The following KCNMA1 variants were observed in gnomAD, a reference collection of about 807,000 sequenced individuals.
KCNMA1 encodes Calcium-activated potassium channel subunit alpha-1.
A neutral mutation model predicts 140.0 loss-of-function variants in KCNMA1; 29 were observed. The observed-to-expected ratio is 0.21, with a 90% CI of 0.15 to 0.28. KCNMA1 has a LOEUF of 0.28. Among genes scored for constraint, KCNMA1 ranks in the 10% least tolerant of loss-of-function variants. The probability of loss-of-function intolerance (pLI) is 1.00; values close to 1 mark genes in which losing one functional copy is unlikely to be tolerated. For missense variants in KCNMA1, 880 were observed against 1,602.2 expected (o/e 0.55, Z 7.70); for synonymous variants, 612 against 611.9 (o/e 1.00, Z 0.00).
intron 1 of KCNMA1, among the ~76,000 whole-genome samples, chr10:77,559,361 C>A (rs917201470): frequency 4.6e-5 from 7 of 152,232 alleles, no homozygotes; most frequent in Non-Finnish European, 8.8e-5. Context: ...AGGGTTGGAC[C>A]TGGCACAGTC....
chr10:77,147,901 A>G (rs1369937652), intron 5 of KCNMA1: 1 of 152,228 alleles, frequency 6.6e-6, no homozygotes, highest in East Asian at 1.9e-4. Flanking sequence ...AGCGCCATAT[A>G]CAAGGATAAA....
chr10:76,881,160 G>A (rs1304656731), downstream of KCNMA1, among the ~76,000 whole-genome samples: 2 of 152,162 alleles, frequency 1.3e-5, no homozygotes, highest in African/African-American at 2.4e-5. Flanking sequence ...GCTATGCTAT[G>A]AGCTGTCCAC....
intron 1 of KCNMA1, among the ~76,000 whole-genome samples, chr10:77,452,727 G>A (rs2097687081): frequency 6.6e-6 from 1 of 152,042 alleles, no homozygotes; most frequent in African/African-American, 2.4e-5. Flanking sequence ...GCCTTTTCTG[G>A]GAATCAGTAC....
chr10:77,636,832 T>G (rs1363487613), intron 1 of KCNMA1: 13 of 1,433,592 alleles, frequency 9.1e-6, no homozygotes, highest in Non-Finnish European at 1.2e-5. Context: ...TGGGCGGATG[T>G]GCTCCCTCTC....
intron 1 of KCNMA1, among the ~76,000 whole-genome samples, chr10:77,580,722 G>A (rs189070268): frequency 5.3e-5 from 8 of 152,314 alleles, no homozygotes; most frequent in Admixed American, 2.0e-4. Flanking sequence ...GCAGCCAAGG[G>A]CAGAGACCAA....
At position 77,235,153 on chromosome 10, in the gene KCNMA1, A is replaced by T. The variant is rs147095346; in HGVS notation, c.602+16042T>A. On this transcript the variant is annotated intron_variant, in intron 3 of 27. Transcript: ENST00000286628. ...TGGGGTCCAGTCTGCTTCTCTAAAT[A>T]TTAGGGCTTGGCCTCATTCAGGGCA... Among the ~76,000 whole-genome samples, 27 of 152,300 alleles carry T rather than the reference A, an allele frequency of 1.8e-4. No individual in the cohort carries two copies. In the East Asian group the frequency reaches 5.0e-3, roughly 28 times the overall value.
intron 3 of KCNMA1, among the ~76,000 whole-genome samples, chr10:77,207,203 A>G (rs2044428268): frequency 6.6e-6 from 1 of 152,210 alleles, no homozygotes; most frequent in South Asian, 2.1e-4. Context: ...TCTTCTGATT[A>G]CATAAATTTA....
chr10:77,585,584 A>C (rs1402285051), intron 1 of KCNMA1, among the ~76,000 whole-genome samples: 1 of 152,156 alleles, frequency 6.6e-6, no homozygotes, highest in African/African-American at 2.4e-5. Context: ...CACTTTACCC[A>C]GCTTTTCTGT....
At position 77,288,420 on chromosome 10, in the gene KCNMA1, C is replaced by G. The variant is rs555488043; in HGVS notation, c.541-37164G>C. ...CTTAGACTGATCAGCAGTTCTCAATCTGAATGTGATGACAGAGTAGCAGAG... is the reference window on the plus strand; with the variant it reads ...CTTAGACTGATCAGCAGTTCTCAATGTGAATGTGATGACAGAGTAGCAGAG... On this transcript the variant is annotated intron_variant, in intron 2 of 27. Coordinates refer to ENST00000286628, the MANE Select transcript of KCNMA1 (RefSeq NM_001161352.2). Among the ~76,000 whole-genome samples, 35 of 152,346 alleles carry G rather than the reference C, an allele frequency of 2.3e-4. 1 individual carries two copies. In the South Asian group the frequency reaches 7.2e-3, roughly 32 times the overall value.
intron 19 of KCNMA1, among the ~76,000 whole-genome samples, chr10:76,993,253 G>A (rs60817697): frequency 1.3e-5 from 2 of 152,306 alleles, no homozygotes; most frequent in South Asian, 4.1e-4. Context: ...GAATAAGGAA[G>A]AAATAATGGT....
At chr10:77,436,992 AC>A (rs1566843316) in intron 1 of KCNMA1, among the ~76,000 whole-genome samples, 68 of 128,808 alleles carry the variant, frequency 5.3e-4, no homozygotes, top group African/African-American at 1.1e-3. Context: ...ACACACACAC[AC>A]ACACTCCTTC....
intron 5 of KCNMA1, among the ~76,000 whole-genome samples, chr10:77,182,549 G>A (rs2098811409): frequency 6.6e-6 from 1 of 152,192 alleles, no homozygotes; most frequent in Non-Finnish European, 1.5e-5. Flanking sequence ...AAAAGATGAT[G>A]AATGCTCTCT....
At chr10:77,111,712 T>G (rs910908134) in intron 7 of KCNMA1, among the ~76,000 whole-genome samples, 1 of 152,096 alleles carries the variant, frequency 6.6e-6, no homozygotes, top group Admixed American at 6.5e-5. Flanking sequence ...CAGCCACTGG[T>G]GGTCAACTTT....
intron 11 of KCNMA1, among the ~76,000 whole-genome samples, chr10:77,085,746 T>C (rs1005690639): frequency 2.0e-5 from 3 of 152,218 alleles, no homozygotes; most frequent in Admixed American, 1.3e-4. Context: ...TTTACAAAAT[T>C]ATGCGGTGAC....
intron 3 of KCNMA1, among the ~76,000 whole-genome samples, chr10:77,224,226 G>A (rs2154193632): frequency 6.6e-6 from 1 of 152,334 alleles, no homozygotes; most frequent in Admixed American, 6.5e-5. Context: ...GTCCTGATCA[G>A]CAAGGTGTGA....
intron 19 of KCNMA1, among the ~76,000 whole-genome samples, chr10:77,000,214 T>C (rs1406949991): frequency 6.6e-6 from 1 of 152,194 alleles, no homozygotes. Flanking sequence ...ATGTGTTGGC[T>C]GCTTTAAAGA....
At chr10:77,498,405 C>A (rs2042690018) in intron 1 of KCNMA1, among the ~76,000 whole-genome samples, 1 of 152,244 alleles carries the variant, frequency 6.6e-6, no homozygotes, top group African/African-American at 2.4e-5. Context: ...CAGCAGGTGG[C>A]AGCTCCAGGA....
chr10:77,342,183 A>G (rs192525904), intron 2 of KCNMA1, among the ~76,000 whole-genome samples: 109 of 152,352 alleles, frequency 7.2e-4, no homozygotes, highest in Admixed American at 1.6e-3. Context: ...AGTTATAAAT[A>G]GCAAAGACAT....
At chr10:77,223,484 G>A (rs906844927) in intron 3 of KCNMA1, among the ~76,000 whole-genome samples, 1 of 152,178 alleles carries the variant, frequency 6.6e-6, no homozygotes, top group African/African-American at 2.4e-5. Flanking sequence ...AATAATCAGA[G>A]TGTATCTAGA....
Sources: allele counts gnomAD v4.1 joint callset (sites outside exome capture counted in the v4.1 genomes callset), GRCh38; gene constraint gnomAD v4.1.1; transcripts MANE v1.5; gene names NCBI Gene and HGNC (gene_info 2026-07-23, HGNC 2026-07-21).